Variants in KIT observed in about 807,000 individuals in gnomAD.
KIT encodes the protein mast/stem cell growth factor receptor Kit.
A neutral mutation model predicts 105.7 loss-of-function variants in KIT; 16 were observed. The observed-to-expected ratio is 0.15, with a 90% CI of 0.10 to 0.23. The LOEUF (loss-of-function observed/expected upper bound fraction) is 0.23, where lower values mean the gene tolerates loss of function less well. KIT is among the 10% of genes least tolerant of loss of function. The probability of loss-of-function intolerance (pLI) is 1.00; values close to 1 mark genes in which losing one functional copy is unlikely to be tolerated. For missense variants in KIT, 858 were observed against 1,213.8 expected, an observed-to-expected ratio of 0.71 and a Z score of 4.36; for synonymous variants, 438 against 441.1, an observed-to-expected ratio of 0.99 and a Z score of 0.09.
At position 54,678,326 on chromosome 4, in the gene KIT, T is replaced by C. The variant is rs866139084; in HGVS notation, c.68-17186T>C. 4.8e-4 allele frequency among the ~76,000 whole-genome samples: 46 copies of C among 96,642 alleles called. No individual in the cohort carries two copies. The East Asian group carries it at 0.01, about 21-fold the overall frequency. The allele number at this position is 96,642 out of a possible 152,430, so 63.4% of individuals were successfully genotyped here. ...CTTCCTTCCTTCCTTCCTTCCTTCC[T>C]TCCTTCCTTCCTTCCTTCCTTCCTT... On this transcript the variant is annotated intron_variant, in intron 1 of 20. Coordinates refer to ENST00000288135, the MANE Select transcript of KIT (RefSeq NM_000222.3).
intron 1 of KIT, among the ~76,000 whole-genome samples, chr4:54,677,653 A>G (rs544883971): frequency 4.6e-5 from 7 of 152,184 alleles, no homozygotes; most frequent in East Asian, 3.9e-4. Context: ...TTCCAAATCT[A>G]TTTGTTAGAA....
Position 54,707,104 on chromosome 4 carries a change from G to C in KIT, c.932G>C (p.Gly311Ala), listed in dbSNP as rs1255809965. 3.3e-6 allele frequency: 5 copies of C among 1,497,372 alleles called. No homozygotes were observed. The highest frequency in any genetic ancestry group is 4.7e-6 in the Non-Finnish European group (5 of 1,074,706). The allele number at this position is 1,497,372 out of a possible 1,614,324, so 92.8% of individuals were successfully genotyped here. A position where few individuals can be genotyped will look rare whatever the true frequency, so the allele number is the denominator to read the frequency against. ...CTTATTTCATTCTAATTAGATAAAG[G>C]ATTCATTAATATCTTCCCCATGATA... ...VTTTLEVVDK[G>A]FINIFPMINT... Residue 311 changes from glycine to alanine, a missense_variant, in exon 6 of 21, where the codon GGA becomes GCA. Around this residue, in one of 7 missense-constraint regions of KIT, gnomAD observed 401 missense variants for 601.0 expected, o/e 0.67. Transcript: ENST00000288135.
intron 2 of KIT, among the ~76,000 whole-genome samples, chr4:54,696,111 C>A (rs1720046969): frequency 6.6e-6 from 1 of 151,984 alleles, no homozygotes; most frequent in South Asian, 2.1e-4. Context: ...CCTTGAGATA[C>A]TAGATACTCC....
At chr4:54,725,141 C>G (rs112354925) in intron 8 of KIT, among the ~76,000 whole-genome samples, 10,222 of 152,130 alleles carry the variant, frequency 0.067, 1,121 homozygotes, top group African/African-American at 0.23. Flanking sequence ...GTCTCACTCT[C>G]TTGCCCAGGC....
intron 7 of KIT, among the ~76,000 whole-genome samples, chr4:54,710,394 G>A (rs1347456963): frequency 6.6e-6 from 1 of 152,196 alleles, no homozygotes; most frequent in Non-Finnish European, 1.5e-5. Context: ...TGTGGAGGAT[G>A]AGGAGACAAC....
intron 13 of KIT, 29 bp from the exon 14 acceptor site, chr4:54,729,306 C>T (rs1330088912): frequency 2.5e-6 from 4 of 1,611,660 alleles, no homozygotes; most frequent in Middle Eastern, 1.9e-4. Flanking sequence ...ATCTCACCTT[C>T]TTTCTAACCT....
intron 1 of KIT, among the ~76,000 whole-genome samples, chr4:54,663,363 C>T (rs774302408): frequency 6.6e-6 from 1 of 152,078 alleles, no homozygotes; most frequent in Admixed American, 6.6e-5. Context: ...AGGGCCCCTG[C>T]GAGGATTAAA....
At chr4:54,716,996 A>G (rs1444899037) in intron 7 of KIT, among the ~76,000 whole-genome samples, 3 of 152,188 alleles carry the variant, frequency 2.0e-5, no homozygotes, top group Non-Finnish European at 4.4e-5. Flanking sequence ...TATAGATAAT[A>G]TGTGTTCATT....
intron 7 of KIT, among the ~76,000 whole-genome samples, chr4:54,716,219 T>G (rs1721487776): frequency 6.6e-6 from 1 of 152,226 alleles, no homozygotes; most frequent in African/African-American, 2.4e-5. Flanking sequence ...TTTTAAACGT[T>G]AAATAAAGTG....
Position 54,699,713 on chromosome 4 carries a change from A to G in KIT, c.703A>G (p.Ile235Val). 3 of 1,614,042 alleles carry G rather than the reference A, an allele frequency of 1.9e-6. No individual in the cohort carries two copies. Among genetic ancestry groups the G allele is most frequent in the Non-Finnish European group, 2.5e-6 (3 of 1,179,918 alleles). Reference protein sequence around the residue: ...EGEEFTVTCTIKDVSSSVYST... With the variant: ...EGEEFTVTCTVKDVSSSVYST... ...GGAAGAATTCACAGTGACGTGCACAATAAAAGATGTGTCTAGTTCTGTGTA... is the reference window on the plus strand; with the variant it reads ...GGAAGAATTCACAGTGACGTGCACAGTAAAAGATGTGTCTAGTTCTGTGTA... The change falls in exon 4 of 21, where the codon ATA (isoleucine) becomes GTA (valine). Residue 235 changes from isoleucine (I) to valine (V), a missense_variant. Physicochemically the swap from Ile to Val is conservative, Grantham distance 29. Coordinates refer to ENST00000288135, the MANE Select transcript of KIT (RefSeq NM_000222.3).
chr4:54,681,094 T>C (rs1718881394), intron 1 of KIT, among the ~76,000 whole-genome samples: 1 of 152,068 alleles, frequency 6.6e-6, no homozygotes, highest in Non-Finnish European at 1.5e-5. Context: ...GTTCTTTAAG[T>C]GAAGGAAGAA....
intron 1 of KIT, among the ~76,000 whole-genome samples, chr4:54,693,035 C>T (rs910891048): frequency 2.6e-5 from 4 of 152,184 alleles, no homozygotes; most frequent in South Asian, 2.1e-4. Context: ...CTTTCTATCT[C>T]GCATGTGAGG....
intron 1 of KIT, among the ~76,000 whole-genome samples, chr4:54,694,536 T>G (rs1719925157): frequency 6.6e-6 from 1 of 152,082 alleles, no homozygotes; most frequent in Admixed American, 6.5e-5. Context: ...GCTAATGTTT[T>G]TTCTAGTTTT....
rs534201005 is a variant in KIT at position 54,699,769 on chromosome 4, G to A, written c.756+3G>A. 2.2e-5 allele frequency: 36 copies of A among 1,613,678 alleles called. 1 individual carries two copies. In the South Asian group the frequency reaches 4.0e-4, roughly 18 times the overall value. On this transcript the variant is annotated splice_donor_region_variant and intron_variant, in intron 4 of 20. Transcript: ENST00000288135. ...CGTGGAAAAGAGAAAACAGTCAGGTGAGTGAATCGCTTCATTCTTCTCATG... is the reference window on the plus strand; with the variant it reads ...CGTGGAAAAGAGAAAACAGTCAGGTAAGTGAATCGCTTCATTCTTCTCATG...
At chr4:54,665,808 T>A (rs1272047020) in intron 1 of KIT, among the ~76,000 whole-genome samples, 1 of 152,220 alleles carries the variant, frequency 6.6e-6, no homozygotes, top group Non-Finnish European at 1.5e-5. Context: ...CAATGAAATC[T>A]TAGGGTCAGG....
chr4:54,732,045 A>G (rs371533703), intron 16 of KIT, 47 bp downstream of exon 16: 20 of 888,856 alleles, frequency 2.3e-5, no homozygotes, highest in Non-Finnish European at 3.0e-5. Context: ...TGTTTTTTTG[A>G]TTTTTTTTTT....
intron 17 of KIT, among the ~76,000 whole-genome samples, chr4:54,736,228 G>GT (rs1722917195): frequency 6.6e-6 from 1 of 152,188 alleles, no homozygotes; most frequent in Admixed American, 6.5e-5. Context: ...GGGCTAAAAT[G>GT]TCTGGCTGTC....
At chr4:54,736,695 A>T in intron 18 of KIT, 26 bp from the exon 19 acceptor site, 1 of 1,609,056 alleles carries the variant, frequency 6.2e-7, no homozygotes, top group Non-Finnish European at 8.5e-7. Context: ...CTTGTGATTA[A>T]CACTGCTTTG....
intron 1 of KIT, among the ~76,000 whole-genome samples, chr4:54,670,458 T>C (rs1372092325): frequency 6.6e-6 from 1 of 152,116 alleles, no homozygotes; most frequent in Non-Finnish European, 1.5e-5. Context: ...CCTGTGAAAT[T>C]GGGGGACTGA....
Sources: allele counts gnomAD v4.1 joint callset (sites outside exome capture counted in the v4.1 genomes callset), GRCh38; gene constraint gnomAD v4.1.1; regional missense constraint gnomAD v4.1.1; transcripts MANE v1.5; gene names NCBI Gene and HGNC (gene_info 2026-07-23, HGNC 2026-07-21).